IK: variants seen among roughly 807,000 people sequenced by gnomAD.
IK encodes the protein protein Red.
IK carries 47 observed loss-of-function variants against 90.9 expected under a neutral mutation model. The observed-to-expected ratio is 0.52, with a 90% CI of 0.41 to 0.66. The LOEUF (loss-of-function observed/expected upper bound fraction) is 0.66. Among genes scored for constraint, IK ranks in the 30% least tolerant of loss-of-function variants. The pLI is 0.00. For missense variants in IK, 385 were observed against 709.3 expected, an observed-to-expected ratio of 0.54 and a Z score of 5.19; for synonymous variants, 201 against 227.5, an observed-to-expected ratio of 0.88 and a Z score of 1.05.
intron 15 of IK, 66 bp from the exon 16 acceptor site, chr5:140,660,692 G>A: frequency 3.9e-6 from 5 of 1,279,470 alleles, no homozygotes; most frequent in Middle Eastern, 3.7e-4. Flanking sequence ...TCTTAGTCGG[G>A]TAGGTTTCCA....
At chr5:140,660,292 C>CTTTTTTGTT (rs1757781630) in intron 15 of IK, 97 bp downstream of exon 15, 1 of 245,104 alleles carries the variant, frequency 4.1e-6, no homozygotes, top group African/African-American at 5.2e-5. Context: ...AGGGCTACTT[C>CTTTTTTGTT]TTTTTTTTTT....
Position 140,660,023 on chromosome 5 carries a change from A to C in IK, c.1275-92A>C. On this transcript the variant is annotated intron_variant, in intron 14 of 19. Transcript: ENST00000417647. ...AGCTCACAGCCCACTCAGAATTTTCATGTTGGGGCTTCTAGCCCTTGGCCC... is the reference window on the plus strand; with the variant it reads ...AGCTCACAGCCCACTCAGAATTTTCCTGTTGGGGCTTCTAGCCCTTGGCCC... 14 of 1,138,784 alleles carry C rather than the reference A, an allele frequency of 1.2e-5. 1 individual carries two copies. Among genetic ancestry groups the C allele is most frequent in the Non-Finnish European group, 1.8e-5 (14 of 770,574 alleles). 70.5% of individuals were successfully genotyped at this position (1,138,784 alleles called of 1,614,324 possible). A position where few individuals can be genotyped will look rare whatever the true frequency, so the allele number is the denominator to read the frequency against.
chr5:140,659,461 C>G, intron 13 of IK, 128 bp downstream of exon 13: 1 of 1,009,354 alleles, frequency 9.9e-7, no homozygotes, highest in Non-Finnish European at 1.6e-6. Flanking sequence ...CTGTGTCTTG[C>G]TTTATTGAAT....
intron 2 of IK, among the ~76,000 whole-genome samples, chr5:140,651,284 C>A (rs982831352): frequency 6.6e-6 from 1 of 151,674 alleles, no homozygotes; most frequent in Non-Finnish European, 1.5e-5. Flanking sequence ...AATAAAAATA[C>A]AAAAATTAGC....
chr5:140,658,792 C>T lies in IK; in HGVS notation c.950+16C>T. ...CTGACATGAAGTATGTATCCTAGCC[C>T]CTGGCATCTGATCAGAGGGAGGGGG... On this transcript the variant is annotated intron_variant, in intron 11 of 19. Transcript: ENST00000417647. The T allele has an allele frequency of 6.2e-7, 1 of 1,609,508 alleles. No individual in the cohort carries two copies. Among genetic ancestry groups the T allele is most frequent in the Non-Finnish European group, 8.5e-7 (1 of 1,177,076 alleles).
In IK at chr5:140,654,841, T is replaced by A. The variant is rs898957780; in HGVS notation, c.637+114T>A. On this transcript the variant is annotated intron_variant, in intron 8 of 19. Coordinates refer to ENST00000417647, the MANE Select transcript of IK (RefSeq NM_006083.4). ...CCCAACCTCCTTTCTTCTTTCTTTC[T>A]TTTTGAGACAGTGTCTCACTTAATC... The A allele has an allele frequency of 1.7e-5, 13 of 761,262 alleles. No individual in the cohort carries two copies. The African/African-American group carries it at 2.3e-4, about 13-fold the overall frequency. The allele number at this position is 761,262 out of a possible 1,614,324, so 47.2% of individuals were successfully genotyped here. A position where few individuals can be genotyped will look rare whatever the true frequency, so the allele number is the denominator to read the frequency against.
In IK at chr5:140,648,529, C is replaced by T. The variant is rs960970005; in HGVS notation, c.75C>T (p.Ser25=). The stretch of plus-strand genomic sequence containing the variant: ...GCCACGATGTGGATGATCCTCACTC[C>T]TTCCACCAGTGAGTATTTTGTGCTA... ...PDGHDVDDPH[S]FHQSKLTNED... is the part of the protein sequence containing the mutation. Residue 25 remains serine (S), a synonymous_variant, in exon 2 of 20, where the codon TCC becomes TCT. Transcript: ENST00000417647. 1.2e-6 allele frequency: 2 copies of T among 1,613,790 alleles called. No individual in the cohort carries two copies. The highest frequency in any genetic ancestry group is 1.3e-5 in the African/African-American group (1 of 75,052).
intron 11 of IK, 71 bp downstream of exon 11, chr5:140,658,847 G>T: frequency 6.3e-7 from 1 of 1,595,252 alleles, no homozygotes; most frequent in South Asian, 1.1e-5. Flanking sequence ...TGGCATTTTG[G>T]GGAGGTGCTG....
chr5:140,653,818 T>G (rs1757659655), intron 5 of IK, 120 bp from the exon 6 acceptor site: 2 of 606,738 alleles, frequency 3.3e-6, no homozygotes, highest in East Asian at 5.6e-5. Flanking sequence ...TCCACCAGGC[T>G]GGTCTCAAAC....
intron 2 of IK, among the ~76,000 whole-genome samples, chr5:140,650,922 CCTT>C (rs1757604166): frequency 6.6e-6 from 1 of 152,100 alleles, no homozygotes; most frequent in African/African-American, 2.4e-5. Context: ...AATTTACAGG[CCTT>C]CTTATATACA....
chr5:140,655,785 T>C (rs1439921847), intron 8 of IK, 44 bp from the exon 9 acceptor site: 5 of 1,590,046 alleles, frequency 3.1e-6, no homozygotes, highest in Non-Finnish European at 2.6e-6. Context: ...GTGACAGCTG[T>C]TCTTGTAGAT....
Position 140,659,311 on chromosome 5 carries a change from C to A in IK, c.1177-4C>A. On this transcript the variant is annotated splice_region_variant and splice_polypyrimidine_tract_variant and intron_variant, in intron 12 of 19. Transcript: ENST00000417647. Reference sequence around the variant, plus strand: ...ACTAACTTCACATTTTGTGTTCTTTCCAGCCCATGGACGTTGACAAAGGTG... The same window carrying A: ...ACTAACTTCACATTTTGTGTTCTTTACAGCCCATGGACGTTGACAAAGGTG... 6.2e-7 allele frequency: 1 copy of A among 1,613,928 alleles called. No individual in the cohort carries two copies. The highest frequency in any genetic ancestry group is 8.5e-7 in the Non-Finnish European group (1 of 1,179,836).
chr5:140,662,466 T>C lies in IK; in HGVS notation c.*137T>C. On this transcript the variant is annotated 3_prime_UTR_variant, in exon 20 of 20. Transcript: ENST00000417647. ...GTGTAATTACTTGGTTCCATTAAAA[T>C]TGGTTAACTTGCTATTTTCTTTGTT... 1.1e-6 allele frequency: 1 copy of C among 913,672 alleles called. No individual in the cohort carries two copies. Among genetic ancestry groups the C allele is most frequent in the Admixed American group, 2.1e-5 (1 of 47,830 alleles). 56.6% of individuals were successfully genotyped at this position (913,672 alleles called of 1,614,324 possible). A position where few individuals can be genotyped will look rare whatever the true frequency, so the allele number is the denominator to read the frequency against.
rs769647031 is a variant in IK at position 140,659,769 on chromosome 5, C to T, written c.1209C>T (p.Thr403=). Residue 403 remains threonine, a synonymous_variant, in exon 14 of 20, where the codon ACC becomes ACT. Coordinates refer to ENST00000417647, the MANE Select transcript of IK (RefSeq NM_006083.4). ...CTTTTCTCCTAGGACCTGGGTCTAC[C>T]AAGGAGTTGATCAAGTCCATCAATG... ...PMDVDKGPGS[T]KELIKSINEK... 1.3e-6 allele frequency: 2 copies of T among 1,594,984 alleles called. No homozygotes were observed. The highest frequency in any genetic ancestry group is 3.5e-5 in the Admixed American group (2 of 56,956).
In IK at chr5:140,648,471, G is replaced by A. The variant is rs1302163722; in HGVS notation, c.17G>A (p.Ser6Asn). The change falls in exon 2 of 20, where the codon AGT becomes AAT. Residue 6 changes from serine (S) to asparagine (N), a missense_variant and splice_region_variant. By Grantham distance (46) the Ser-to-Asn change is conservative. This residue lies in a region of IK where 42 missense variants were observed against 37.9 expected (regional missense o/e 1.11). Transcript: ENST00000417647. ...AATTAACGTCAATTTTTTTTGTCAG[G>A]TGAGCCGTTCTCCAACCCTTTGGCC... MPERD[S>N]EPFSNPLAPD... 6 of 1,613,724 alleles carry A rather than the reference G, an allele frequency of 3.7e-6. No individual in the cohort carries two copies. The Admixed American group carries it at 6.7e-5, about 18-fold the overall frequency.
Position 140,652,961 on chromosome 5 carries a change from C to T in IK, c.237-16C>T, listed in dbSNP as rs1485670986. On this transcript the variant is annotated splice_polypyrimidine_tract_variant and intron_variant, in intron 4 of 19. Coordinates refer to ENST00000417647, the MANE Select transcript of IK (RefSeq NM_006083.4). ...CAGCTGATGAGCCTTATACATTTGCCTTTCTCTGGTCACAGTTATTATGCC... is the reference window on the plus strand; with the variant it reads ...CAGCTGATGAGCCTTATACATTTGCTTTTCTCTGGTCACAGTTATTATGCC... 3 of 1,612,266 alleles carry T rather than the reference C, an allele frequency of 1.9e-6. No individual in the cohort carries two copies. Among genetic ancestry groups the T allele is most frequent in the South Asian group, 2.2e-5 (2 of 90,976 alleles).
chr5:140,658,844 T>A, intron 11 of IK, 68 bp downstream of exon 11: 1 of 1,595,472 alleles, frequency 6.3e-7, no homozygotes, highest in Non-Finnish European at 8.6e-7. Context: ...GTCTGGCATT[T>A]TGGGGAGGTG....
Position 140,649,723 on chromosome 5 carries a change from G to A in IK, c.83+1186G>A, listed in dbSNP as rs551482356. ...GCTAATTTTTGTATTAGTAGAGACAGGGTTTCGCTATGTTGGCCAGGCTGG... is the reference window on the plus strand; with the variant it reads ...GCTAATTTTTGTATTAGTAGAGACAAGGTTTCGCTATGTTGGCCAGGCTGG... On this transcript the variant is annotated intron_variant, in intron 2 of 19. Coordinates refer to ENST00000417647, the MANE Select transcript of IK (RefSeq NM_006083.4). Among the ~76,000 whole-genome samples, 13 of 152,034 alleles carry A rather than the reference G, an allele frequency of 8.6e-5. No homozygotes were observed. In the East Asian group the frequency reaches 1.2e-3, roughly 14 times the overall value.
chr5:140,656,205 T>C (rs981401902), intron 9 of IK, among the ~76,000 whole-genome samples: 3 of 152,220 alleles, frequency 2.0e-5, no homozygotes, highest in African/African-American at 7.2e-5. Flanking sequence ...ACTTACTATT[T>C]TTTTAGAGAC....
Sources: gnomAD v4.1 joint callset for allele counts (sites outside exome capture counted in the v4.1 genomes callset) on GRCh38, gnomAD v4.1.1 for gene constraint, gnomAD v4.1.1 regional missense constraint, MANE v1.5 for transcripts, NCBI Gene and HGNC (gene_info 2026-07-23, HGNC 2026-07-21) for gene names.